The following ARHGAP42 variants were observed in gnomAD, a reference collection of about 807,000 sequenced individuals.
ARHGAP42 encodes the protein Rho GTPase activating protein 42, also known as rho GTPase-activating protein 42.
A neutral mutation model predicts 125.0 loss-of-function variants in ARHGAP42; 63 were observed. That is an observed-to-expected ratio of 0.50 (90% CI 0.41 to 0.62). The LOEUF (loss-of-function observed/expected upper bound fraction) is 0.62. Ranked by LOEUF, ARHGAP42 falls within the 20% of genes least tolerant of loss-of-function variation. ARHGAP42 has a pLI of 0.00. For missense variants in ARHGAP42, 766 were observed against 1,024.2 expected (o/e 0.75, Z 3.44); for synonymous variants, 339 against 351.0 (o/e 0.97, Z 0.38).
intron 4 of ARHGAP42, among the ~76,000 whole-genome samples, chr11:100,901,287 G>A (rs1469353161): frequency 6.6e-6 from 1 of 152,142 alleles, no homozygotes; most frequent in Admixed American, 6.5e-5. Context: ...TGCAAGCTTC[G>A]TTCCAGAGGG....
intron 1 of ARHGAP42, among the ~76,000 whole-genome samples, chr11:100,729,834 A>T: frequency 6.9e-6 from 1 of 144,214 alleles, no homozygotes. Context: ...TTTTTGAGAC[A>T]GAGTTTTGCT....
chr11:100,981,439 GT>G (rs1176856430), intron 22 of ARHGAP42, among the ~76,000 whole-genome samples: 2 of 152,126 alleles, frequency 1.3e-5, no homozygotes, highest in East Asian at 1.9e-4. Context: ...TCTCATTTTT[GT>G]TTTTTTCCTA....
chr11:100,806,025 G>A (rs1472527144), intron 3 of ARHGAP42, among the ~76,000 whole-genome samples: 2 of 152,100 alleles, frequency 1.3e-5, no homozygotes, highest in African/African-American at 4.8e-5. Context: ...TTAAGTCTCA[G>A]CCTTATTTTA....
chr11:100,935,572 T>G (rs919700003), intron 7 of ARHGAP42, among the ~76,000 whole-genome samples: 2 of 152,076 alleles, frequency 1.3e-5, no homozygotes, highest in African/African-American at 4.8e-5. Flanking sequence ...GAATTCAAAT[T>G]TTATGTAGTG....
intron 2 of ARHGAP42, among the ~76,000 whole-genome samples, chr11:100,778,991 G>A (rs1863201170): frequency 6.6e-6 from 1 of 151,982 alleles, no homozygotes; most frequent in Admixed American, 6.6e-5. Context: ...AGGTCTGAAA[G>A]TTTTACTCAT....
intron 5 of ARHGAP42, among the ~76,000 whole-genome samples, chr11:100,920,576 A>T (rs760857350): frequency 4.6e-5 from 7 of 152,166 alleles, no homozygotes; most frequent in Non-Finnish European, 7.4e-5. Flanking sequence ...AGGAAGGTAG[A>T]GGTGGGCAAG....
At chr11:100,895,769 G>A (rs1052112453) in intron 4 of ARHGAP42, among the ~76,000 whole-genome samples, 9 of 152,214 alleles carry the variant, frequency 5.9e-5, no homozygotes, top group Middle Eastern at 3.4e-3. Context: ...CTTAGCAGCC[G>A]TGTGCCTATT....
intron 1 of ARHGAP42, among the ~76,000 whole-genome samples, chr11:100,688,129 A>AT (rs201445134): frequency 0.12 from 17,928 of 148,168 alleles, 1,136 homozygotes; most frequent in East Asian, 0.22. Flanking sequence ...GGGGACTTTA[A>AT]TTTTTTTTTT....
chr11:100,815,289 T>G (rs1041854874), intron 3 of ARHGAP42, among the ~76,000 whole-genome samples: 1 of 152,158 alleles, frequency 6.6e-6, no homozygotes, highest in African/African-American at 2.4e-5. Flanking sequence ...ACTCTTTCAT[T>G]ATGTGCGTGT....
At chr11:100,842,912 T>C (rs77277094) in intron 3 of ARHGAP42, among the ~76,000 whole-genome samples, 3,037 of 151,424 alleles carry the variant, frequency 0.02, 99 homozygotes, top group African/African-American at 0.07. Flanking sequence ...CTCAAGGAAC[T>C]AGAGAAACAA....
chr11:100,765,957 G>C (rs1272344875), intron 1 of ARHGAP42, among the ~76,000 whole-genome samples: 1 of 152,028 alleles, frequency 6.6e-6, no homozygotes, highest in Non-Finnish European at 1.5e-5. Flanking sequence ...AAAATAAAAG[G>C]GAGACCTCAG....
chr11:100,716,177 G>T (rs896116016), intron 1 of ARHGAP42, among the ~76,000 whole-genome samples: 5 of 152,144 alleles, frequency 3.3e-5, no homozygotes, highest in Non-Finnish European at 7.3e-5. Flanking sequence ...GGGGACTTTT[G>T]CCTATCCTAT....
At chr11:100,945,407 T>A (rs1867989319) in intron 10 of ARHGAP42, among the ~76,000 whole-genome samples, 1 of 152,086 alleles carries the variant, frequency 6.6e-6, no homozygotes, top group Non-Finnish European at 1.5e-5. Flanking sequence ...TAATGACATC[T>A]AAAGTGATGA....
intron 2 of ARHGAP42, among the ~76,000 whole-genome samples, chr11:100,771,561 C>T (rs598369): frequency 0.77 from 116,942 of 152,006 alleles, 45,224 homozygotes; most frequent in East Asian, 1. Flanking sequence ...AGAACAGTGA[C>T]CAGTGATTGC....
At chr11:100,707,713 T>C (rs1256597191) in intron 1 of ARHGAP42, among the ~76,000 whole-genome samples, 1 of 152,224 alleles carries the variant, frequency 6.6e-6, no homozygotes, top group African/African-American at 2.4e-5. Flanking sequence ...TAGCACTTGC[T>C]GTGTGTCAGG....
chr11:100,983,320 A>T (rs1858590485), intron 22 of ARHGAP42, among the ~76,000 whole-genome samples: 1 of 152,232 alleles, frequency 6.6e-6, no homozygotes, highest in Non-Finnish European at 1.5e-5. Flanking sequence ...TTTCCTAAAG[A>T]GTTGAACTGT....
chr11:100,870,944 GT>G (rs1424035422), intron 4 of ARHGAP42, among the ~76,000 whole-genome samples: 2 of 111,004 alleles, frequency 1.8e-5, no homozygotes, highest in South Asian at 2.6e-4. Flanking sequence ...AAGAAAGAAG[GT>G]TTAAAAAAAA....
At chr11:100,816,639 A>T (rs1864272948) in intron 3 of ARHGAP42, 1 of 152,232 alleles carries the variant, frequency 6.6e-6, no homozygotes, top group South Asian at 2.1e-4. Flanking sequence ...TGGATAATTT[A>T]GTCATTCAAA....
intron 1 of ARHGAP42, among the ~76,000 whole-genome samples, chr11:100,689,032 G>A (rs1565529181): frequency 6.6e-6 from 1 of 152,206 alleles, no homozygotes; most frequent in East Asian, 1.9e-4. Context: ...ACAGTAAGGA[G>A]AGAGCTTAGC....
Sources: gnomAD v4.1 joint callset for allele counts (sites outside exome capture counted in the v4.1 genomes callset) on GRCh38, gnomAD v4.1.1 for gene constraint, MANE v1.5 for transcripts, NCBI Gene and HGNC (gene_info 2026-07-23, HGNC 2026-07-21) for gene names.